The following CDH12 variants were observed in gnomAD, a reference collection of about 807,000 sequenced individuals.
CDH12 encodes cadherin-12.
A neutral mutation model predicts 74.1 loss-of-function variants in CDH12; 41 were observed. The ratio of observed to expected loss-of-function variants is 0.55; its 90% CI spans 0.43 to 0.72. CDH12 has a LOEUF of 0.72. Ranked by LOEUF, CDH12 falls within the 30% of genes least tolerant of loss-of-function variation. The pLI is 0.00. For synonymous variants in CDH12, 399 were observed against 355.0 expected (o/e 1.12, Z -1.39); for missense variants, 945 against 977.2 (o/e 0.97, Z 0.44).
chr5:22,268,527 A>C (rs1736240268), intron 3 of CDH12, among the ~76,000 whole-genome samples: 1 of 152,072 alleles, frequency 6.6e-6, no homozygotes, highest in South Asian at 2.1e-4. Flanking sequence ...TATTAATTAA[A>C]TTGAAGAGGA....
At chr5:21,891,498 A>G (rs932143424) in intron 6 of CDH12, among the ~76,000 whole-genome samples, 4 of 151,768 alleles carry the variant, frequency 2.6e-5, no homozygotes, top group African/African-American at 7.3e-5. Flanking sequence ...GGCCTATACT[A>G]TCACAGTTGG....
chr5:22,297,651 TG>T (rs1414857131), intron 3 of CDH12, among the ~76,000 whole-genome samples: 2 of 152,212 alleles, frequency 1.3e-5, no homozygotes, highest in African/African-American at 4.8e-5. Context: ...TCTTCAATTA[TG>T]AAGTACATTC....
intron 4 of CDH12, among the ~76,000 whole-genome samples, chr5:22,088,755 C>T (rs980102308): frequency 6.6e-5 from 10 of 152,186 alleles, no homozygotes; most frequent in African/African-American, 1.7e-4. Flanking sequence ...CTGTGATACA[C>T]GCAAAGGGAC....
At chr5:22,339,759 A>G (rs1032227526) in intron 3 of CDH12, among the ~76,000 whole-genome samples, 1 of 152,226 alleles carries the variant, frequency 6.6e-6, no homozygotes, top group African/African-American at 2.4e-5. Context: ...AGGTCTTTGA[A>G]AAACAGGGGA....
intron 2 of CDH12, among the ~76,000 whole-genome samples, chr5:22,439,835 T>C (rs1008729339): frequency 2.0e-5 from 3 of 152,076 alleles, no homozygotes; most frequent in African/African-American, 7.2e-5. Flanking sequence ...TATCATCAGA[T>C]TGCTTTCAAT....
chr5:22,238,150 AATAG>A (rs1752623713), intron 3 of CDH12, among the ~76,000 whole-genome samples: 3 of 152,194 alleles, frequency 2.0e-5, no homozygotes, highest in Non-Finnish European at 2.9e-5. Flanking sequence ...CAGTGTTTAA[AATAG>A]ATTCTGCTCC....
At chr5:22,207,512 T>C (rs1751284831) in intron 4 of CDH12, among the ~76,000 whole-genome samples, 3 of 152,210 alleles carry the variant, frequency 2.0e-5, no homozygotes, top group South Asian at 4.1e-4. Flanking sequence ...ACGGGCTATT[T>C]TTCTGGCCCC....
chr5:22,631,658 T>C (rs1045322951), intron 1 of CDH12, among the ~76,000 whole-genome samples: 1 of 152,064 alleles, frequency 6.6e-6, no homozygotes, highest in African/African-American at 2.4e-5. Context: ...GGGTAACTTA[T>C]AAAAAGAAGA....
intron 1 of CDH12, among the ~76,000 whole-genome samples, chr5:22,552,808 T>C (rs758636393): frequency 6.6e-6 from 1 of 152,178 alleles, no homozygotes. Flanking sequence ...TTTATGTCTA[T>C]GGATTTTTTA....
At chr5:22,043,130 A>G (rs1197513976) in intron 5 of CDH12, among the ~76,000 whole-genome samples, 1 of 152,104 alleles carries the variant, frequency 6.6e-6, no homozygotes, top group African/African-American at 2.4e-5. Flanking sequence ...AAACAAGATG[A>G]AGACACAACC....
At chr5:22,235,025 C>T (rs1170553810) in intron 3 of CDH12, among the ~76,000 whole-genome samples, 1 of 151,986 alleles carries the variant, frequency 6.6e-6, no homozygotes, top group Non-Finnish European at 1.5e-5. Flanking sequence ...AAATAGCTTA[C>T]AAGCATATGA....
chr5:22,802,939 T>C (rs1209221946), intron 1 of CDH12, among the ~76,000 whole-genome samples: 4 of 152,088 alleles, frequency 2.6e-5, no homozygotes, highest in Non-Finnish European at 5.9e-5. Flanking sequence ...CATATTCAGC[T>C]TGAAATTCAT....
At chr5:21,798,125 A>G (rs1746894286) in intron 10 of CDH12, among the ~76,000 whole-genome samples, 1 of 152,078 alleles carries the variant, frequency 6.6e-6, no homozygotes, top group Admixed American at 6.6e-5. Context: ...TTTTCTAATT[A>G]TCAACAGAAC....
At chr5:22,546,277 C>T (rs1738323802) in intron 1 of CDH12, among the ~76,000 whole-genome samples, 1 of 152,068 alleles carries the variant, frequency 6.6e-6, no homozygotes, top group Admixed American at 6.6e-5. Context: ...ATAAAATTTA[C>T]TATTTTGCTC....
intron 1 of CDH12, among the ~76,000 whole-genome samples, chr5:22,780,149 G>A (rs1019202261): frequency 6.6e-6 from 1 of 152,134 alleles, no homozygotes; most frequent in Non-Finnish European, 1.5e-5. Flanking sequence ...ACTTTTGGAG[G>A]CCAAGGGAGG....
chr5:22,074,310 A>T (rs1580207500), intron 5 of CDH12, among the ~76,000 whole-genome samples: 3 of 152,204 alleles, frequency 2.0e-5, no homozygotes, highest in Admixed American at 6.6e-5. Context: ...ACAAAAGTTA[A>T]TTAAAGATGG....
chr5:22,743,054 C>T lies in CDH12; in HGVS notation c.-523+110004G>A, dbSNP rs116312750. On this transcript the variant is annotated intron_variant, in intron 1 of 14. Transcript: ENST00000382254. Reference sequence around the variant, plus strand: ...AAAGCAAGAGACATTTCCTCCTGCTCAACTGTATCAAACCAAAATATTAGC... The same window carrying T: ...AAAGCAAGAGACATTTCCTCCTGCTTAACTGTATCAAACCAAAATATTAGC... Among the ~76,000 whole-genome samples, 508 of 151,416 alleles carry T rather than the reference C, an allele frequency of 3.4e-3. 2 individuals are homozygous for T. The highest frequency in any genetic ancestry group is 0.011 in the African/African-American group (474 of 41,390).
chr5:22,251,658 C>A (rs910233505), intron 3 of CDH12, among the ~76,000 whole-genome samples: 40 of 152,196 alleles, frequency 2.6e-4, no homozygotes, highest in African/African-American at 8.2e-4. Flanking sequence ...ATGGTACAAC[C>A]ATATGATCAC....
At chr5:21,797,705 G>A (rs182647371) in intron 10 of CDH12, among the ~76,000 whole-genome samples, 483 of 152,228 alleles carry the variant, frequency 3.2e-3, no homozygotes, top group Non-Finnish European at 4.3e-3. Flanking sequence ...CTTACAGCAG[G>A]AGAATTTCTT....
Sources: gnomAD v4.1 joint callset for allele counts (sites outside exome capture counted in the v4.1 genomes callset) on GRCh38, gnomAD v4.1.1 for gene constraint, MANE v1.5 for transcripts, NCBI Gene and HGNC (gene_info 2026-07-23, HGNC 2026-07-21) for gene names.